The following EPHB2 variants were observed in gnomAD, a reference collection of about 807,000 sequenced individuals.
The protein encoded by EPHB2 is EPH receptor B2, also known as ephrin type-B receptor 2.
Under a neutral mutation model 96.4 loss-of-function variants are expected in EPHB2, and 18 were observed. The observed-to-expected ratio is 0.19, with a 90% confidence interval of 0.13 to 0.28. The LOEUF (loss-of-function observed/expected upper bound fraction) is 0.28, where lower values mean the gene tolerates loss of function less well. Among genes scored for constraint, EPHB2 ranks in the 10% least tolerant of loss-of-function variants. The probability of loss-of-function intolerance (pLI) is 1.00; values close to 1 mark genes in which losing one functional copy is unlikely to be tolerated. For synonymous variants in EPHB2, 506 were observed against 534.1 expected, an observed-to-expected ratio of 0.95 and a Z score of 0.72; for missense variants, 989 against 1,355.4, an observed-to-expected ratio of 0.73 and a Z score of 4.25.
intron 6 of EPHB2, among the ~76,000 whole-genome samples, chr1:22,890,339 C>A (rs908640024): frequency 2.6e-5 from 4 of 152,150 alleles, no homozygotes; most frequent in Non-Finnish European, 5.9e-5. Flanking sequence ...GAGGAGGAGG[C>A]AGATGATCTG....
At chr1:22,854,373 A>G (rs11801383) in intron 3 of EPHB2, among the ~76,000 whole-genome samples, 7,385 of 152,160 alleles carry the variant, frequency 0.049, 544 homozygotes, top group African/African-American at 0.16. Context: ...TTAGCCAGGC[A>G]TGGTGGTGTG....
At chr1:22,890,245 C>A (rs1639348829) in intron 6 of EPHB2, among the ~76,000 whole-genome samples, 1 of 152,124 alleles carries the variant, frequency 6.6e-6, no homozygotes, top group Admixed American at 6.5e-5. Flanking sequence ...ATAGCAGAAA[C>A]CCCCTCCTGT....
At position 22,846,750 on chromosome 1, in the gene EPHB2, G is replaced by C. The variant is rs927974919; in HGVS notation, c.812-16287G>C. ...CGCATGCTTCTCCTTTCTTGCTTTT[G>C]TCTTGTCATTCTTAGTCTTCCAACG... is the stretch of plus-strand genomic sequence containing the variant. On this transcript the variant is annotated intron_variant, in intron 3 of 15. Transcript: ENST00000374630. This position sits in a 1 kb window ranked among gnomAD's most constrained non-coding sequence, Gnocchi z 4.3. 7.9e-5 allele frequency among the ~76,000 whole-genome samples: 12 copies of C among 152,178 alleles called. No homozygotes were observed. The highest frequency in any genetic ancestry group is 2.7e-4 in the African/African-American group (11 of 41,440).
At chr1:22,747,137 C>T (rs1249144282) in intron 1 of EPHB2, among the ~76,000 whole-genome samples, 4 of 152,152 alleles carry the variant, frequency 2.6e-5, no homozygotes, top group Admixed American at 2.6e-4. Context: ...ACCAGAAACC[C>T]AGGCAAACAG....
Position 22,906,222 on chromosome 1 carries a change from C to A in EPHB2, c.1888+113C>A. The A allele has an allele frequency of 2.7e-6, 4 of 1,500,014 alleles. No individual in the cohort carries two copies. Among genetic ancestry groups the A allele is most frequent in the Non-Finnish European group, 2.7e-6 (3 of 1,097,118 alleles). 92.9% of individuals were successfully genotyped at this position (1,500,014 alleles called of 1,614,324 possible). On this transcript the variant is annotated intron_variant, in intron 10 of 15. Coordinates refer to ENST00000374630, the MANE Select transcript of EPHB2 (RefSeq NM_017449.5). This position sits in a 1 kb window ranked among gnomAD's most constrained non-coding sequence, Gnocchi z 4.8. ...GATGTGGGACAGGCGCCTCAAAGGA[C>A]CCCCCAAGGCCTGAAGGTTCAGAAT... is the stretch of plus-strand genomic sequence containing the variant.
At position 22,875,652 on chromosome 1, in the gene EPHB2, T is replaced by C. The variant is rs910362482; in HGVS notation, c.1304-6707T>C. The stretch of plus-strand genomic sequence containing the variant: ...CCTCACTTTCTCCCTTCCTTCCTCC[T>C]TCCTGTCTTCGTTTCTTCCTCCAGT... On this transcript the variant is annotated intron_variant, in intron 5 of 15. Transcript: ENST00000374630. This position sits in a 1 kb window ranked among gnomAD's most constrained non-coding sequence, Gnocchi z 4.2. Among the ~76,000 whole-genome samples, 1 of 152,144 alleles carries C rather than the reference T, an allele frequency of 6.6e-6. No individual in the cohort carries two copies. The highest frequency in any genetic ancestry group is 1.5e-5 in the Non-Finnish European group (1 of 68,028).
In EPHB2 at chr1:22,895,461, T is replaced by C; in HGVS notation, c.1592-11T>C. The C allele has an allele frequency of 6.2e-7, 1 of 1,613,622 alleles. No homozygotes were observed. Among genetic ancestry groups the C allele is most frequent in the Non-Finnish European group, 8.5e-7 (1 of 1,179,500 alleles). On this transcript the variant is annotated splice_polypyrimidine_tract_variant and intron_variant, in intron 7 of 15. Coordinates refer to ENST00000374630, the MANE Select transcript of EPHB2 (RefSeq NM_017449.5). ...CCAGGCTGAGAATGCCCTACCATGC[T>C]TTCTCCCCAGCCGAGTACCAGACAA...
At chr1:22,716,068 TC>T (rs1209372378) in intron 1 of EPHB2, among the ~76,000 whole-genome samples, 5 of 151,906 alleles carry the variant, frequency 3.3e-5, no homozygotes, top group Non-Finnish European at 7.4e-5. Flanking sequence ...GCTCCCAACT[TC>T]CCCCAGACTC....
At chr1:22,712,931 T>C (rs1045532147) in intron 1 of EPHB2, among the ~76,000 whole-genome samples, 1 of 152,160 alleles carries the variant, frequency 6.6e-6, no homozygotes, top group African/African-American at 2.4e-5. Context: ...CCCTCTCTCG[T>C]TGGAAGAGGC....
chr1:22,810,248 C>T lies in EPHB2; in HGVS notation c.811+25172C>T, dbSNP rs139374031. Among the ~76,000 whole-genome samples, 847 of 152,250 alleles carry T rather than the reference C, an allele frequency of 5.6e-3. 9 individuals are homozygous for T. The highest frequency in any genetic ancestry group is 0.024 in the Middle Eastern group (7 of 294). On this transcript the variant is annotated intron_variant, in intron 3 of 15. Coordinates refer to ENST00000374630, the MANE Select transcript of EPHB2 (RefSeq NM_017449.5). ...CCCTGCCACTGCCAACATGATCCTA[C>T]GGCAGGAAGGGCCTGCTCAACACCA...
At chr1:22,780,551 G>A (rs183991597) in intron 1 of EPHB2, among the ~76,000 whole-genome samples, 315 of 152,316 alleles carry the variant, frequency 2.1e-3, no homozygotes, top group Non-Finnish European at 3.8e-3. Flanking sequence ...AGATGTGTGC[G>A]CCAGAGGAGC....
intron 1 of EPHB2, among the ~76,000 whole-genome samples, chr1:22,718,653 G>T (rs1316805815): frequency 6.6e-6 from 1 of 152,142 alleles, no homozygotes; most frequent in Non-Finnish European, 1.5e-5. Flanking sequence ...CTCCCAAAGT[G>T]CTGGGATTAC....
chr1:22,901,076 G>A (rs1182963130), intron 9 of EPHB2, among the ~76,000 whole-genome samples: 2 of 152,154 alleles, frequency 1.3e-5, no homozygotes, highest in African/African-American at 2.4e-5. Flanking sequence ...TCTTTATATG[G>A]GAAGTAGCAA....
chr1:22,886,620 C>CT (rs869229952), intron 6 of EPHB2, among the ~76,000 whole-genome samples: 3,726 of 96,006 alleles, frequency 0.039, 116 homozygotes, highest in Non-Finnish European at 0.047. Context: ...CCAGCAGAGT[C>CT]TTTTTTTTTT....
intron 3 of EPHB2, among the ~76,000 whole-genome samples, chr1:22,795,298 C>T (rs1372837817): frequency 3.3e-5 from 5 of 152,194 alleles, no homozygotes; most frequent in Non-Finnish European, 7.3e-5. Flanking sequence ...TGCAGAGCCT[C>T]CCTAAAATCA....
intron 3 of EPHB2, among the ~76,000 whole-genome samples, chr1:22,799,819 A>G (rs1286033444): frequency 6.6e-6 from 1 of 152,210 alleles, no homozygotes; most frequent in Non-Finnish European, 1.5e-5. Flanking sequence ...CCAGAGCCTC[A>G]TGGCAGCCTT....
chr1:22,827,549 T>C (rs1208927484), intron 3 of EPHB2, among the ~76,000 whole-genome samples: 9 of 152,170 alleles, frequency 5.9e-5, no homozygotes, highest in African/African-American at 2.2e-4. Context: ...TTGGGATGCA[T>C]CTCCTGAAAT....
At chr1:22,838,699 C>T (rs951559119) in intron 3 of EPHB2, among the ~76,000 whole-genome samples, 4 of 152,116 alleles carry the variant, frequency 2.6e-5, no homozygotes, top group African/African-American at 9.7e-5. Context: ...GAGGCCGAGG[C>T]GGATGGATCA....
chr1:22,806,176 T>C (rs1245291225), intron 3 of EPHB2, among the ~76,000 whole-genome samples: 1 of 152,214 alleles, frequency 6.6e-6, no homozygotes, highest in African/African-American at 2.4e-5. Flanking sequence ...TAATAGCCAT[T>C]GATGTTTGTA....
Sources: allele counts gnomAD v4.1 joint callset (sites outside exome capture counted in the v4.1 genomes callset), GRCh38; gene constraint gnomAD v4.1.1; non-coding constraint Gnocchi (gnomAD v3.1); transcripts MANE v1.5; gene names NCBI Gene and HGNC (gene_info 2026-07-23, HGNC 2026-07-21).